Variants in KHDRBS2 observed in about 807,000 individuals in gnomAD.
KHDRBS2 encodes KH RNA binding domain containing, signal transduction associated 2.
In KHDRBS2, 26 loss-of-function variants were observed where a neutral mutation model predicts 44.3. That is an observed-to-expected ratio of 0.59 (90% confidence interval 0.43 to 0.81). The LOEUF (loss-of-function observed/expected upper bound fraction) is 0.81, where lower values mean the gene tolerates loss of function less well. KHDRBS2 is among the 40% of genes least tolerant of loss of function. The pLI is 0.00. For synonymous variants in KHDRBS2, 194 were observed against 151.1 expected, an observed-to-expected ratio of 1.28 and a Z score of -2.08; for missense variants, 476 against 433.1, an observed-to-expected ratio of 1.10 and a Z score of -0.88.
At chr6:61,921,005 G>C (rs1807975758) in intron 4 of KHDRBS2, among the ~76,000 whole-genome samples, 1 of 151,768 alleles carries the variant, frequency 6.6e-6, no homozygotes, top group Non-Finnish European at 1.5e-5. Context: ...TTCAAAATCA[G>C]TTTAAATGAA....
At chr6:62,062,741 A>G (rs868257160) in intron 2 of KHDRBS2, among the ~76,000 whole-genome samples, 6 of 146,660 alleles carry the variant, frequency 4.1e-5, no homozygotes, top group East Asian at 2.1e-4. Flanking sequence ...GAGCAAACAC[A>G]TTCAAAAGCT....
At chr6:61,863,083 T>C (rs1298690191) in intron 6 of KHDRBS2, among the ~76,000 whole-genome samples, 2 of 152,110 alleles carry the variant, frequency 1.3e-5, no homozygotes, top group Non-Finnish European at 2.9e-5. Flanking sequence ...AGAGGTGTTA[T>C]AATATTCTCT....
At chr6:61,928,296 T>C (rs1809354059) in intron 4 of KHDRBS2, among the ~76,000 whole-genome samples, 1 of 152,134 alleles carries the variant, frequency 6.6e-6, no homozygotes. Context: ...ACTTATTTGG[T>C]GTAAACTGCT....
intron 1 of KHDRBS2, among the ~76,000 whole-genome samples, chr6:62,245,569 T>C (rs1270883210): frequency 2.0e-5 from 3 of 152,134 alleles, no homozygotes; most frequent in Non-Finnish European, 4.4e-5. Flanking sequence ...TGTTTATTTA[T>C]ATCTTTAAAA....
At chr6:62,021,782 A>G (rs1323029881) in intron 3 of KHDRBS2, among the ~76,000 whole-genome samples, 1 of 151,646 alleles carries the variant, frequency 6.6e-6, no homozygotes, top group Non-Finnish European at 1.5e-5. Context: ...ACTTTTGCAA[A>G]CTAATTCTTT....
intron 6 of KHDRBS2, among the ~76,000 whole-genome samples, chr6:61,824,567 A>G (rs1359678121): frequency 1.3e-5 from 2 of 152,154 alleles, no homozygotes; most frequent in South Asian, 2.1e-4. Context: ...GGACTAAGAC[A>G]TCAACATCTG....
At chr6:61,689,006 T>C (rs1444081015) in intron 8 of KHDRBS2, among the ~76,000 whole-genome samples, 1 of 151,958 alleles carries the variant, frequency 6.6e-6, no homozygotes, top group Non-Finnish European at 1.5e-5. Context: ...GCCTATGTGA[T>C]ATCAGCCCAA....
chr6:62,146,554 TCTGTAAAATATGTTC>T (rs1259303645), intron 2 of KHDRBS2, among the ~76,000 whole-genome samples: 4 of 151,874 alleles, frequency 2.6e-5, no homozygotes, highest in African/African-American at 7.2e-5. Context: ...AGATTTGATT[TCTGTAAAATATGTTC>T]CTGTAAAATA....
chr6:62,216,705 T>C (rs1408828093), intron 1 of KHDRBS2, among the ~76,000 whole-genome samples: 1 of 150,456 alleles, frequency 6.6e-6, no homozygotes, highest in East Asian at 1.9e-4. Flanking sequence ...TCTTTTTTTT[T>C]TTTTTGTTTT....
chr6:61,841,571 G>T (rs1793613079), intron 6 of KHDRBS2, among the ~76,000 whole-genome samples: 1 of 152,044 alleles, frequency 6.6e-6, no homozygotes, highest in Non-Finnish European at 1.5e-5. Context: ...TAATGACATG[G>T]TCTTAGTCTT....
chr6:62,155,532 T>C (rs1332027856), intron 2 of KHDRBS2, among the ~76,000 whole-genome samples: 1 of 152,184 alleles, frequency 6.6e-6, no homozygotes, highest in Non-Finnish European at 1.5e-5. Context: ...ATAAGGGACC[T>C]AGGTCAAGAT....
chr6:61,857,977 T>C lies in KHDRBS2; in HGVS notation c.810+36658A>G, dbSNP rs1221685403. Among the ~76,000 whole-genome samples, 6 of 152,112 alleles carry C rather than the reference T, an allele frequency of 3.9e-5. No individual in the cohort carries two copies. In the East Asian group the frequency reaches 9.7e-4, roughly 24 times the overall value. On this transcript the variant is annotated intron_variant, in intron 6 of 8. Transcript: ENST00000281156. ...ATGGCACACTGTGTTATATAACACA[T>C]ATGTTATATTTGCATAACATCTAAG...
At chr6:61,665,738 G>A in the KHDRBS2 span, among the ~76,000 whole-genome samples, 4 of 150,942 alleles carry the variant, frequency 2.7e-5, no homozygotes, top group Non-Finnish European at 5.9e-5. Context: ...GATGTTCTGT[G>A]TAATATAAAG....
chr6:61,950,109 T>C (rs1367367686), intron 4 of KHDRBS2, among the ~76,000 whole-genome samples: 1 of 151,998 alleles, frequency 6.6e-6, no homozygotes, highest in Non-Finnish European at 1.5e-5. Context: ...TCCTGTATGT[T>C]TGGGAATAGC....
chr6:62,064,824 T>C (rs899560035), intron 2 of KHDRBS2, among the ~76,000 whole-genome samples: 3 of 151,252 alleles, frequency 2.0e-5, no homozygotes, highest in Non-Finnish European at 3.0e-5. Flanking sequence ...CAAAAGAAAC[T>C]ACCATCAGAG....
chr6:62,056,894 C>T (rs141318565), intron 2 of KHDRBS2, among the ~76,000 whole-genome samples: 120 of 152,028 alleles, frequency 7.9e-4, no homozygotes, highest in African/African-American at 2.7e-3. Context: ...TTGATTCTTG[C>T]GACACATTTC....
intron 6 of KHDRBS2, among the ~76,000 whole-genome samples, chr6:61,737,057 T>C (rs1775473503): frequency 6.6e-6 from 1 of 152,126 alleles, no homozygotes; most frequent in South Asian, 2.1e-4. Context: ...AGACTACTCT[T>C]ATCCACTGTC....
intron 6 of KHDRBS2, among the ~76,000 whole-genome samples, chr6:61,892,239 A>G (rs1350785002): frequency 6.6e-6 from 1 of 151,478 alleles, no homozygotes; most frequent in Admixed American, 6.6e-5. Flanking sequence ...CCACTGCTCA[A>G]TGAAATAAAA....
At chr6:61,884,013 C>T (rs868516049) in intron 6 of KHDRBS2, among the ~76,000 whole-genome samples, 1 of 152,030 alleles carries the variant, frequency 6.6e-6, no homozygotes, top group Non-Finnish European at 1.5e-5. Context: ...CATAATCTTT[C>T]CTTGCACAAA....
Sources: gnomAD v4.1 joint callset for allele counts (sites outside exome capture counted in the v4.1 genomes callset) on GRCh38, gnomAD v4.1.1 for gene constraint, MANE v1.5 for transcripts, NCBI Gene and HGNC (gene_info 2026-07-23, HGNC 2026-07-21) for gene names.